Variants in FSHR observed in about 807,000 individuals in gnomAD.
FSHR encodes follicle-stimulating hormone receptor.
A neutral mutation model predicts 52.1 loss-of-function variants in FSHR; 46 were observed. The observed-to-expected ratio is 0.88, with a 90% CI of 0.70 to 1.13. FSHR has a LOEUF of 1.13. Among genes scored for constraint, FSHR ranks in the 50% most tolerant of loss-of-function variants. FSHR has a pLI of 0.00. For synonymous variants in FSHR, 399 were observed against 309.6 expected (o/e 1.29, Z -3.03); for missense variants, 964 against 834.6 (o/e 1.16, Z -1.91).
chr2:48,973,715 T>C (rs558232358), intron 8 of FSHR, among the ~76,000 whole-genome samples: 1 of 152,244 alleles, frequency 6.6e-6, no homozygotes, highest in Non-Finnish European at 1.5e-5. Context: ...ATGTAGTGAG[T>C]ACCCAGAAAC....
intron 1 of FSHR, among the ~76,000 whole-genome samples, chr2:49,074,667 C>G (rs13028329): frequency 0.22 from 33,414 of 151,840 alleles, 3,711 homozygotes; most frequent in East Asian, 0.28. Flanking sequence ...AATCCTACTA[C>G]TTAGAATTTA....
At chr2:49,004,091 T>C (rs1193745355) in intron 4 of FSHR, among the ~76,000 whole-genome samples, 1 of 152,190 alleles carries the variant, frequency 6.6e-6, no homozygotes, top group African/African-American at 2.4e-5. Flanking sequence ...CACACTGTCA[T>C]TCTGTCTGTG....
At chr2:49,091,006 G>T (rs892041465) in intron 1 of FSHR, among the ~76,000 whole-genome samples, 3 of 150,860 alleles carry the variant, frequency 2.0e-5, no homozygotes, top group African/African-American at 7.3e-5. Context: ...ATATATACTA[G>T]ATAGAAGTCC....
intron 2 of FSHR, among the ~76,000 whole-genome samples, chr2:49,044,898 C>G (rs1290193866): frequency 1.3e-5 from 2 of 152,138 alleles, no homozygotes; most frequent in Non-Finnish European, 1.5e-5. Context: ...CCCAGATGAG[C>G]CACACAATGG....
chr2:49,144,926 C>G (rs1264158991), intron 1 of FSHR, among the ~76,000 whole-genome samples: 1 of 152,094 alleles, frequency 6.6e-6, no homozygotes, highest in Non-Finnish European at 1.5e-5. Context: ...CAAGAGCATT[C>G]TGTAATTCCT....
chr2:49,112,614 G>A (rs1671461572), intron 1 of FSHR, among the ~76,000 whole-genome samples: 1 of 152,156 alleles, frequency 6.6e-6, no homozygotes, highest in African/African-American at 2.4e-5. Flanking sequence ...AGCAGAAGTA[G>A]CAGATCACTT....
At chr2:49,088,010 A>AAT (rs1392864095) in intron 1 of FSHR, among the ~76,000 whole-genome samples, 2 of 152,214 alleles carry the variant, frequency 1.3e-5, no homozygotes, top group African/African-American at 4.8e-5. Context: ...TATCTAATAT[A>AAT]ATCTTCAAAA....
chr2:49,120,060 A>T (rs764311427), intron 1 of FSHR, among the ~76,000 whole-genome samples: 5 of 152,194 alleles, frequency 3.3e-5, no homozygotes, highest in Non-Finnish European at 5.9e-5. Context: ...ACTTGAGGTT[A>T]GGAGTACCAG....
intron 1 of FSHR, among the ~76,000 whole-genome samples, chr2:49,108,083 T>C (rs1478736013): frequency 6.6e-6 from 1 of 152,180 alleles, no homozygotes; most frequent in Non-Finnish European, 1.5e-5. Context: ...ATGGGCATCA[T>C]CTAATCTGTC....
At chr2:48,997,296 T>G (rs1169112453) in intron 4 of FSHR, 1 of 984,742 alleles carries the variant, frequency 1.0e-6, no homozygotes, top group East Asian at 1.1e-4. Flanking sequence ...TAGAAGTATT[T>G]AACTCTCATA....
At chr2:49,039,478 A>C (rs1668407263) in intron 2 of FSHR, among the ~76,000 whole-genome samples, 1 of 152,208 alleles carries the variant, frequency 6.6e-6, no homozygotes, top group African/African-American at 2.4e-5. Context: ...ACAGTGCTCC[A>C]CTTTCTTGTT....
chr2:48,977,544 C>T (rs1042869223), intron 8 of FSHR, among the ~76,000 whole-genome samples: 17 of 151,972 alleles, frequency 1.1e-4, no homozygotes, highest in Admixed American at 3.9e-4. Flanking sequence ...TGTCTCCTCC[C>T]ACACTATCAC....
intron 8 of FSHR, among the ~76,000 whole-genome samples, chr2:48,974,069 A>G (rs990896526): frequency 7.9e-5 from 12 of 152,252 alleles, no homozygotes; most frequent in Non-Finnish European, 1.5e-4. Flanking sequence ...ATTTTACAAA[A>G]GAGCTAATTC....
chr2:48,966,908 T>A (rs1674501070), intron 9 of FSHR, among the ~76,000 whole-genome samples: 2 of 151,962 alleles, frequency 1.3e-5, no homozygotes, highest in Non-Finnish European at 2.9e-5. Flanking sequence ...GAGAGCCGAG[T>A]GGTCTGGAGG....
chr2:49,137,180 A>T (rs1481120769), intron 1 of FSHR, among the ~76,000 whole-genome samples: 3 of 152,150 alleles, frequency 2.0e-5, no homozygotes, highest in Non-Finnish European at 4.4e-5. Context: ...CAAAATCAAT[A>T]TACCAAAATC....
chr2:49,090,357 A>C (rs1469070828), intron 1 of FSHR, among the ~76,000 whole-genome samples: 1 of 152,176 alleles, frequency 6.6e-6, no homozygotes, highest in Non-Finnish European at 1.5e-5. Flanking sequence ...AATGTCATAT[A>C]AATGCTATCA....
chr2:49,049,879 G>T (rs1478628295), intron 2 of FSHR, among the ~76,000 whole-genome samples: 1 of 148,166 alleles, frequency 6.7e-6, no homozygotes, highest in African/African-American at 2.6e-5. Flanking sequence ...ATAAAAGAAA[G>T]AAGCAAAAAT....
chr2:49,021,872 T>TCTCTCTAG (rs1667723355), intron 2 of FSHR, among the ~76,000 whole-genome samples: 1 of 53,292 alleles, frequency 1.9e-5, no homozygotes, highest in Admixed American at 2.4e-4. Context: ...TCTATATATA[T>TCTCTCTAG]ATATATATAT....
chr2:48,993,034 T>C (rs1022552317), intron 4 of FSHR, among the ~76,000 whole-genome samples: 1 of 152,156 alleles, frequency 6.6e-6, no homozygotes, highest in African/African-American at 2.4e-5. Flanking sequence ...TCATTTTGCA[T>C]TCTTTCGTTT....
Sources: gnomAD v4.1 joint callset for allele counts (sites outside exome capture counted in the v4.1 genomes callset) on GRCh38, gnomAD v4.1.1 for gene constraint, MANE v1.5 for transcripts, NCBI Gene and HGNC (gene_info 2026-07-23, HGNC 2026-07-21) for gene names.